ACTG2: variants seen among roughly 807,000 people sequenced by gnomAD.
ACTG2 encodes the protein actin, gamma-enteric smooth muscle.
In ACTG2, 16 loss-of-function variants were observed where a neutral mutation model predicts 37.6. That is an observed-to-expected ratio of 0.43 (90% CI 0.29 to 0.65). The LOEUF is 0.65. Among genes scored for constraint, ACTG2 ranks in the 30% least tolerant of loss-of-function variants. The pLI, the probability that ACTG2 is intolerant of heterozygous loss-of-function variation, is 0.18. For synonymous variants in ACTG2, 181 were observed against 179.9 expected (o/e 1.01, Z -0.05); for missense variants, 238 against 490.9 (o/e 0.48, Z 4.87).
intron 2 of ACTG2, 103 bp downstream of exon 2, chr2:73,901,540 GT>G: frequency 1.4e-5 from 1 of 70,878 alleles, no homozygotes; most frequent in East Asian, 1.1e-4. Context: ...AAATGTGTGT[GT>G]GTGTGTGTGT....
chr2:73,918,035 C>T (rs1464183069), intron 8 of ACTG2, among the ~76,000 whole-genome samples: 3 of 152,202 alleles, frequency 2.0e-5, no homozygotes, highest in Admixed American at 6.5e-5. Flanking sequence ...TTAAACAGTA[C>T]GTGCCAGCCT....
chr2:73,912,283 G>A (rs966604020), intron 5 of ACTG2, among the ~76,000 whole-genome samples: 10 of 152,098 alleles, frequency 6.6e-5, no homozygotes, highest in Non-Finnish European at 1.2e-4. Flanking sequence ...TCAGTCTCCC[G>A]AATAGCTGGA....
At chr2:73,900,532 C>T (rs1457776645) in intron 1 of ACTG2, among the ~76,000 whole-genome samples, 2 of 152,220 alleles carry the variant, frequency 1.3e-5, no homozygotes, top group Non-Finnish European at 2.9e-5. Context: ...TTGTCCCCAT[C>T]TGTCGAGGCA....
In ACTG2 at chr2:73,919,425, T is replaced by G; in HGVS notation, c.988-7T>G. On this transcript the variant is annotated splice_polypyrimidine_tract_variant and splice_region_variant and intron_variant, in intron 8 of 8. Coordinates refer to ENST00000345517, the MANE Select transcript of ACTG2 (RefSeq NM_001615.4). ...TGATCATGATTCACCACATTTGTTCTTTGCAGATTATTGCTCCCCCAGAGC... is the reference window on the plus strand; with the variant it reads ...TGATCATGATTCACCACATTTGTTCGTTGCAGATTATTGCTCCCCCAGAGC... 6.2e-7 allele frequency: 1 copy of G among 1,612,896 alleles called. No homozygotes were observed. The highest frequency in any genetic ancestry group is 1.1e-5 in the South Asian group (1 of 90,978).
intron 1 of ACTG2, among the ~76,000 whole-genome samples, chr2:73,899,289 CTG>C (rs1451432571): frequency 2.6e-5 from 4 of 152,052 alleles, no homozygotes; most frequent in Non-Finnish European, 5.9e-5. Flanking sequence ...GAGGGAGACT[CTG>C]TTTCTACAGA....
chr2:73,898,791 CT>C (rs1183989476), intron 1 of ACTG2, among the ~76,000 whole-genome samples: 100 of 92,952 alleles, frequency 1.1e-3, no homozygotes, highest in Admixed American at 4.7e-3. Context: ...TTTTTCTTTT[CT>C]TTTTTTTTTC....
At chr2:73,906,489 T>C (rs1440886092) in intron 3 of ACTG2, among the ~76,000 whole-genome samples, 4 of 151,816 alleles carry the variant, frequency 2.6e-5, no homozygotes, top group African/African-American at 9.7e-5. Flanking sequence ...AATAAATACA[T>C]AAAAATTTTG....
At chr2:73,919,082 G>T (rs1034234408) in intron 8 of ACTG2, among the ~76,000 whole-genome samples, 1 of 152,142 alleles carries the variant, frequency 6.6e-6, no homozygotes, top group Non-Finnish European at 1.5e-5. Context: ...CAGGCTGAAG[G>T]GCTAGCTGCT....
intron 1 of ACTG2, among the ~76,000 whole-genome samples, chr2:73,900,367 CAAAA>C (rs1246544327): frequency 6.6e-6 from 1 of 151,220 alleles, no homozygotes; most frequent in African/African-American, 2.4e-5. Flanking sequence ...GTTTGTAACT[CAAAA>C]GAAAGAAAGA....
intron 4 of ACTG2, 63 bp downstream of exon 4, chr2:73,908,846 C>T (rs754798245): frequency 1.4e-6 from 2 of 1,421,210 alleles, no homozygotes; most frequent in Non-Finnish European, 2.0e-6. Context: ...TGGCCAGATA[C>T]TTTCTCCCCT....
At chr2:73,902,812 T>C in intron 3 of ACTG2, 1 of 1,521,518 alleles carries the variant, frequency 6.6e-7, no homozygotes, top group Non-Finnish European at 8.8e-7. Flanking sequence ...CAGTAGCTCT[T>C]CATTAACCAA....
rs1401905139 is a variant in ACTG2 at position 73,903,950 on chromosome 2, A to C, written c.255+1462A>C. On this transcript the variant is annotated intron_variant, in intron 3 of 8. Transcript: ENST00000345517. ...GTGAGACTCCGTCTCAAAAAAAAAAAAAAAAAAAACAAAAAAAAAACCACA... is the reference window on the plus strand; with the variant it reads ...GTGAGACTCCGTCTCAAAAAAAAAACAAAAAAAAACAAAAAAAAAACCACA... Among the ~76,000 whole-genome samples, 157 of 109,816 alleles carry C rather than the reference A, an allele frequency of 1.4e-3. 3 individuals are homozygous for C. The East Asian group carries it at 0.029, about 20-fold the overall frequency. The allele number at this position is 109,816 out of a possible 152,430, so 72.0% of individuals were successfully genotyped here. A position where few individuals can be genotyped will look rare whatever the true frequency, so the allele number is the denominator to read the frequency against.
chr2:73,916,546 A>G lies in ACTG2; in HGVS notation c.806-38A>G, dbSNP rs1680272180. On this transcript the variant is annotated intron_variant, in intron 7 of 8. Coordinates refer to ENST00000345517, the MANE Select transcript of ACTG2 (RefSeq NM_001615.4). Reference sequence around the variant, plus strand: ...GAGCTGGAGGTGTGCATATTTAGGAAGTGATGCCTGTTGACCAGACACTGT... The same window carrying G: ...GAGCTGGAGGTGTGCATATTTAGGAGGTGATGCCTGTTGACCAGACACTGT... The G allele has an allele frequency of 2.5e-6, 4 of 1,580,160 alleles. No individual in the cohort carries two copies. The South Asian group carries it at 4.6e-5, about 18-fold the overall frequency.
intron 3 of ACTG2, among the ~76,000 whole-genome samples, chr2:73,906,482 A>AC (rs1410203913): frequency 1.4e-5 from 2 of 146,560 alleles, no homozygotes; most frequent in Non-Finnish European, 1.5e-5. Context: ...ATAAATAAAT[A>AC]AATACATAAA....
At chr2:73,911,119 G>C (rs1273340281) in intron 5 of ACTG2, among the ~76,000 whole-genome samples, 3 of 152,104 alleles carry the variant, frequency 2.0e-5, no homozygotes, top group Admixed American at 6.5e-5. Flanking sequence ...AATATCTCCG[G>C]AAGGACCTGC....
intron 1 of ACTG2, among the ~76,000 whole-genome samples, chr2:73,899,395 G>A (rs554915412): frequency 6.6e-6 from 1 of 152,224 alleles, no homozygotes; most frequent in African/African-American, 2.4e-5. Context: ...CTGGGAGGTC[G>A]AGTCTGCAGT....
intron 5 of ACTG2, 39 bp downstream of exon 5, chr2:73,909,178 G>A: frequency 6.4e-7 from 1 of 1,568,316 alleles, no homozygotes; most frequent in Non-Finnish European, 8.8e-7. Flanking sequence ...CTGACTTCAG[G>A]GGAGGTAGGG....
At chr2:73,908,893 C>CT (rs753622847) in intron 4 of ACTG2, 110 bp downstream of exon 4, 10 of 1,218,710 alleles carry the variant, frequency 8.2e-6, no homozygotes, top group Non-Finnish European at 1.2e-5. Context: ...TGAGGACCTG[C>CT]TATGTCTGTG....
chr2:73,903,965 A>AC (rs1448920393), intron 3 of ACTG2, among the ~76,000 whole-genome samples: 3 of 150,096 alleles, frequency 2.0e-5, no homozygotes, highest in Admixed American at 2.0e-4. Context: ...AAAAACAAAA[A>AC]AAAAACCACA....
Sources: gnomAD v4.1 joint callset for allele counts (sites outside exome capture counted in the v4.1 genomes callset) on GRCh38, gnomAD v4.1.1 for gene constraint, MANE v1.5 for transcripts, NCBI Gene and HGNC (gene_info 2026-07-23, HGNC 2026-07-21) for gene names.